The following PAK5 variants were observed in gnomAD, a reference collection of about 807,000 sequenced individuals.
The protein encoded by PAK5 is serine/threonine-protein kinase PAK 5.
Under a neutral mutation model 65.9 loss-of-function variants are expected in PAK5, and 16 were observed. The ratio of observed to expected loss-of-function variants is 0.24; its 90% CI spans 0.16 to 0.37. The LOEUF (loss-of-function observed/expected upper bound fraction) is 0.37, where lower values mean the gene tolerates loss of function less well. Ranked by LOEUF, PAK5 falls within the 10% of genes least tolerant of loss-of-function variation. The pLI is 1.00. For missense variants in PAK5, 785 were observed against 903.9 expected (o/e 0.87, Z 1.69); for synonymous variants, 371 against 354.9 (o/e 1.05, Z -0.51).
At chr20:9,606,064 T>C (rs1001677032) in intron 3 of PAK5, among the ~76,000 whole-genome samples, 3 of 152,202 alleles carry the variant, frequency 2.0e-5, no homozygotes, top group Admixed American at 6.5e-5. Flanking sequence ...AAATTTCATG[T>C]CAAATAGTAA....
intron 2 of PAK5, among the ~76,000 whole-genome samples, chr20:9,695,454 T>A (rs2047855488): frequency 6.6e-6 from 1 of 152,102 alleles, no homozygotes; most frequent in South Asian, 2.1e-4. Context: ...AAATACATTA[T>A]CCTGCTTTTA....
intron 2 of PAK5, among the ~76,000 whole-genome samples, chr20:9,678,562 A>G (rs1470273041): frequency 6.6e-6 from 1 of 152,168 alleles, no homozygotes; most frequent in African/African-American, 2.4e-5. Flanking sequence ...GCGAGACTCC[A>G]TCTCAACAAA....
chr20:9,632,685 T>A (rs1041982959), intron 3 of PAK5, among the ~76,000 whole-genome samples: 1 of 152,178 alleles, frequency 6.6e-6, no homozygotes, highest in Non-Finnish European at 1.5e-5. Flanking sequence ...AGAAATAATA[T>A]CTGCTATTAA....
At chr20:9,554,675 C>A (rs921230187) in intron 7 of PAK5, among the ~76,000 whole-genome samples, 1 of 152,218 alleles carries the variant, frequency 6.6e-6, no homozygotes, top group Non-Finnish European at 1.5e-5. Flanking sequence ...ATAACACACT[C>A]TAAGCCTTTT....
intron 7 of PAK5, among the ~76,000 whole-genome samples, chr20:9,546,103 G>T (rs1354220983): frequency 6.6e-6 from 1 of 152,102 alleles, no homozygotes; most frequent in Non-Finnish European, 1.5e-5. Context: ...TCAGCAGGGA[G>T]GTCTGACCCA....
intron 1 of PAK5, among the ~76,000 whole-genome samples, chr20:9,727,469 C>T (rs1469990732): frequency 1.3e-5 from 2 of 152,128 alleles, no homozygotes; most frequent in African/African-American, 4.8e-5. Flanking sequence ...TAAGATTATG[C>T]AAACATCCTG....
At chr20:9,579,426 C>T (rs907464896) in intron 4 of PAK5, among the ~76,000 whole-genome samples, 4 of 152,144 alleles carry the variant, frequency 2.6e-5, no homozygotes, top group Admixed American at 6.5e-5. Context: ...GTAACTTCTC[C>T]GGCAGTGATT....
chr20:9,568,385 G>A (rs2045718929), intron 4 of PAK5, among the ~76,000 whole-genome samples: 2 of 152,144 alleles, frequency 1.3e-5, no homozygotes, highest in South Asian at 4.1e-4. Flanking sequence ...TTGAAAGACA[G>A]GAATCAAAGA....
chr20:9,606,417 T>C (rs989114190), intron 3 of PAK5, among the ~76,000 whole-genome samples: 1 of 152,202 alleles, frequency 6.6e-6, no homozygotes, highest in Non-Finnish European at 1.5e-5. Flanking sequence ...TCTTAGTTAA[T>C]TTTTTGTAGC....
At chr20:9,671,403 T>A (rs1372821588) in intron 2 of PAK5, among the ~76,000 whole-genome samples, 2 of 152,162 alleles carry the variant, frequency 1.3e-5, no homozygotes, top group Non-Finnish European at 2.9e-5. Context: ...TTCCTACCCA[T>A]GAGCATAGAA....
At chr20:9,733,880 A>G (rs977424271) in intron 1 of PAK5, among the ~76,000 whole-genome samples, 27 of 152,186 alleles carry the variant, frequency 1.8e-4, no homozygotes, top group Non-Finnish European at 2.4e-4. Flanking sequence ...GAAGCATACC[A>G]CTACGGTACA....
chr20:9,619,802 C>T (rs376565536), intron 3 of PAK5, among the ~76,000 whole-genome samples: 186 of 152,340 alleles, frequency 1.2e-3, no homozygotes, highest in African/African-American at 4.4e-3. Flanking sequence ...TTACTTCCCT[C>T]CCTTGATTCT....
chr20:9,832,539 C>A (rs1200034835), intron 1 of PAK5, among the ~76,000 whole-genome samples: 1 of 152,040 alleles, frequency 6.6e-6, no homozygotes, highest in Non-Finnish European at 1.5e-5. Context: ...TCCCAAAGTG[C>A]TGGTGTTATA....
intron 2 of PAK5, among the ~76,000 whole-genome samples, chr20:9,679,435 C>G: frequency 6.6e-6 from 1 of 152,164 alleles, no homozygotes; most frequent in South Asian, 2.1e-4. Flanking sequence ...TTGGTACATG[C>G]CTTATCTTCA....
At chr20:9,713,340 A>G in intron 1 of PAK5, among the ~76,000 whole-genome samples, 1 of 152,102 alleles carries the variant, frequency 6.6e-6, no homozygotes, top group Non-Finnish European at 1.5e-5. Flanking sequence ...TAGAATGGCT[A>G]TTATCAAAAA....
At position 9,542,082 on chromosome 20, in the gene PAK5, C is replaced by T. The variant is rs1328432009; in HGVS notation, c.2004+504G>A. The stretch of plus-strand genomic sequence containing the variant: ...AGACTCATACAACCAGCTTTCAATC[C>T]CTTCTCCTGCACACTCTGTCACATC... On this transcript the variant is annotated intron_variant, in intron 9 of 9. Transcript: ENST00000353224. Among the ~76,000 whole-genome samples the T allele has an allele frequency of 5.3e-5, 8 of 152,150 alleles. No homozygotes were observed. In the East Asian group the frequency reaches 1.5e-3, roughly 29 times the overall value.
chr20:9,623,528 T>C (rs2046800899), intron 3 of PAK5, among the ~76,000 whole-genome samples: 2 of 152,172 alleles, frequency 1.3e-5, no homozygotes, highest in Non-Finnish European at 2.9e-5. Flanking sequence ...TTCCAATAAA[T>C]GTCAGACTGA....
chr20:9,562,593 T>C (rs1040006671), intron 6 of PAK5, among the ~76,000 whole-genome samples: 2 of 152,298 alleles, frequency 1.3e-5, no homozygotes, highest in South Asian at 2.1e-4. Flanking sequence ...GCTTTAGAAA[T>C]CTATATAGGC....
At chr20:9,574,055 T>C (rs2122981407) in intron 4 of PAK5, among the ~76,000 whole-genome samples, 1 of 152,182 alleles carries the variant, frequency 6.6e-6, no homozygotes, top group East Asian at 1.9e-4. Context: ...CAAAGGAAAA[T>C]TTAACAGGAC....
Sources: allele counts gnomAD v4.1 joint callset (sites outside exome capture counted in the v4.1 genomes callset), GRCh38; gene constraint gnomAD v4.1.1; transcripts MANE v1.5; gene names NCBI Gene and HGNC (gene_info 2026-07-23, HGNC 2026-07-21).